GALNT13: variants seen among roughly 807,000 people sequenced by gnomAD.
GALNT13 encodes the protein polypeptide N-acetylgalactosaminyltransferase 13.
GALNT13 carries 28 observed loss-of-function variants against 64.2 expected under a neutral mutation model. That is an observed-to-expected ratio of 0.44 (90% confidence interval 0.32 to 0.60). The LOEUF (loss-of-function observed/expected upper bound fraction) is 0.60. GALNT13 is among the 20% of genes least tolerant of loss of function. The probability of loss-of-function intolerance (pLI) is 0.05; values close to 1 mark genes in which losing one functional copy is unlikely to be tolerated. For synonymous variants in GALNT13, 214 were observed against 224.6 expected, an observed-to-expected ratio of 0.95 and a Z score of 0.42; for missense variants, 577 against 669.8, an observed-to-expected ratio of 0.86 and a Z score of 1.53.
intron 9 of GALNT13, among the ~76,000 whole-genome samples, chr2:154,319,156 A>G (rs1694486204): frequency 6.6e-6 from 1 of 152,226 alleles, no homozygotes; most frequent in African/African-American, 2.4e-5. Context: ...TGTGTAAAGT[A>G]TGGGGAAATT....
intron 8 of GALNT13, among the ~76,000 whole-genome samples, chr2:154,283,577 CA>C (rs5741595): frequency 0.74 from 96,439 of 131,096 alleles, 33,648 homozygotes; most frequent in East Asian, 0.85. Flanking sequence ...GACTCCGTCT[CA>C]AAAAAAAAAA....
chr2:153,898,623 A>G (rs1270404591), intron 1 of GALNT13, among the ~76,000 whole-genome samples: 1 of 152,040 alleles, frequency 6.6e-6, no homozygotes, highest in East Asian at 1.9e-4. Flanking sequence ...GTACTAATCA[A>G]TTGTTTGTAA....
intron 3 of GALNT13, among the ~76,000 whole-genome samples, chr2:154,127,876 T>C (rs565292374): frequency 4.6e-5 from 7 of 151,702 alleles, no homozygotes; most frequent in Admixed American, 1.3e-4. Flanking sequence ...ATATGATATG[T>C]TTATTGCATA....
intron 4 of GALNT13, among the ~76,000 whole-genome samples, chr2:154,219,095 A>G (rs1019981652): frequency 3.3e-5 from 5 of 152,074 alleles, no homozygotes; most frequent in Non-Finnish European, 5.9e-5. Flanking sequence ...AGAATCTAAT[A>G]TCTCTTAAAT....
At chr2:153,080,670 C>T in the GALNT13 span, among the ~76,000 whole-genome samples, 1 of 152,022 alleles carries the variant, frequency 6.6e-6, no homozygotes, top group African/African-American at 2.4e-5. Context: ...TATAGTCTTA[C>T]AATTTTTTGT....
At chr2:153,396,657 A>G in the GALNT13 span, among the ~76,000 whole-genome samples, 132 of 152,252 alleles carry the variant, frequency 8.7e-4, 2 homozygotes, top group African/African-American at 3.0e-3. Context: ...ATGTGACCAT[A>G]CAGTGACTTG....
the GALNT13 span, among the ~76,000 whole-genome samples, chr2:153,320,688 A>G: frequency 1.3e-5 from 2 of 152,226 alleles, no homozygotes; most frequent in Admixed American, 6.5e-5. Flanking sequence ...ATTCTAATTT[A>G]AAATTCGCTG....
chr2:153,939,934 C>A (rs1254447633), intron 2 of GALNT13, among the ~76,000 whole-genome samples: 2 of 152,050 alleles, frequency 1.3e-5, no homozygotes, highest in African/African-American at 4.8e-5. Context: ...GTGTTGAAAC[C>A]CAGACTCAAA....
the GALNT13 span, among the ~76,000 whole-genome samples, chr2:153,555,190 CT>C: frequency 0.072 from 7,586 of 105,160 alleles, 135 homozygotes; most frequent in Non-Finnish European, 0.11. Context: ...AGAAGCTTTA[CT>C]TTTTTTTTTT....
chr2:153,606,069 G>A, the GALNT13 span, among the ~76,000 whole-genome samples: 1 of 152,008 alleles, frequency 6.6e-6, no homozygotes, highest in Non-Finnish European at 1.5e-5. Flanking sequence ...CCTATAGCAG[G>A]CAATGACAGT....
At chr2:154,074,433 GTTTTC>G (rs1440644682) in intron 3 of GALNT13, among the ~76,000 whole-genome samples, 1 of 151,812 alleles carries the variant, frequency 6.6e-6, no homozygotes, top group Admixed American at 6.6e-5. Flanking sequence ...ACATAATTTT[GTTTTC>G]TTTTCACACA....
At chr2:153,128,679 A>G in the GALNT13 span, among the ~76,000 whole-genome samples, 1 of 152,162 alleles carries the variant, frequency 6.6e-6, no homozygotes, top group Non-Finnish European at 1.5e-5. Context: ...GAAAGAGCGC[A>G]TATTAATCTG....
chr2:153,326,928 A>G, the GALNT13 span, among the ~76,000 whole-genome samples: 2 of 152,070 alleles, frequency 1.3e-5, no homozygotes, highest in African/African-American at 4.8e-5. Context: ...TACTAAAAAT[A>G]CGAAAATTAG....
intron 7 of GALNT13, among the ~76,000 whole-genome samples, chr2:154,249,810 T>A (rs1281411178): frequency 6.6e-6 from 1 of 152,164 alleles, no homozygotes; most frequent in Non-Finnish European, 1.5e-5. Flanking sequence ...CAGACCTATT[T>A]TACCTAATTT....
the GALNT13 span, among the ~76,000 whole-genome samples, chr2:153,503,896 A>AT: frequency 6.0e-5 from 9 of 150,890 alleles, no homozygotes; most frequent in African/African-American, 9.8e-5. Context: ...GAATTCTAGG[A>AT]TTTTTTTTTC....
At chr2:153,695,703 A>G in the GALNT13 span, among the ~76,000 whole-genome samples, 4 of 149,536 alleles carry the variant, frequency 2.7e-5, no homozygotes, top group Non-Finnish European at 6.0e-5. Context: ...CTATAGATTA[A>G]ATTATATTTT....
chr2:153,990,886 CA>C (rs1695115717), intron 3 of GALNT13, among the ~76,000 whole-genome samples: 1 of 152,130 alleles, frequency 6.6e-6, no homozygotes, highest in South Asian at 2.1e-4. Flanking sequence ...GATTGAAACA[CA>C]AAATTAGCTA....
the GALNT13 span, among the ~76,000 whole-genome samples, chr2:153,315,353 A>G: frequency 6.6e-6 from 1 of 152,166 alleles, no homozygotes; most frequent in Non-Finnish European, 1.5e-5. Context: ...CACATGGTAG[A>G]AGAGATGAAG....
the GALNT13 span, among the ~76,000 whole-genome samples, chr2:153,851,663 C>T: frequency 6.6e-6 from 1 of 152,178 alleles, no homozygotes; most frequent in Admixed American, 6.5e-5. Context: ...TCTCATTGCA[C>T]TTCAGCCTGT....
Sources: allele counts gnomAD v4.1 joint callset (sites outside exome capture counted in the v4.1 genomes callset), GRCh38; gene constraint gnomAD v4.1.1; transcripts MANE v1.5; gene names NCBI Gene and HGNC (gene_info 2026-07-23, HGNC 2026-07-21).